SGCD: variants seen among roughly 807,000 people sequenced by gnomAD.
The protein encoded by SGCD is delta-sarcoglycan.
A neutral mutation model predicts 36.6 loss-of-function variants in SGCD; 18 were observed. The observed-to-expected ratio is 0.49, with a 90% CI of 0.34 to 0.73. The LOEUF (loss-of-function observed/expected upper bound fraction) is 0.73, where lower values mean the gene tolerates loss of function less well. Ranked by LOEUF, SGCD falls within the 30% of genes least tolerant of loss-of-function variation. SGCD has a pLI of 0.01. For synonymous variants in SGCD, 133 were observed against 130.6 expected (o/e 1.02, Z -0.12); for missense variants, 387 against 346.7 (o/e 1.12, Z -0.92).
chr5:156,406,819 TACACACACACACAC>T (rs58920671), intron 3 of SGCD, among the ~76,000 whole-genome samples: 26 of 104,266 alleles, frequency 2.5e-4, no homozygotes, highest in East Asian at 3.4e-4. Context: ...TATATATATA[TACACACACACACAC>T]ACACACACAT....
intron 3 of SGCD, among the ~76,000 whole-genome samples, chr5:156,404,995 T>C (rs989596792): frequency 6.6e-5 from 10 of 152,212 alleles, no homozygotes; most frequent in African/African-American, 2.4e-4. Flanking sequence ...TCAATTGATT[T>C]TGAGTTAATC....
intron 1 of SGCD, among the ~76,000 whole-genome samples, chr5:156,043,520 T>C (rs1391716297): frequency 6.6e-6 from 1 of 152,168 alleles, no homozygotes; most frequent in Non-Finnish European, 1.5e-5. Flanking sequence ...GGGGCAAAGA[T>C]ACAGCTTTTA....
At chr5:156,559,319 C>T (rs1759177151) in intron 4 of SGCD, among the ~76,000 whole-genome samples, 2 of 152,162 alleles carry the variant, frequency 1.3e-5, no homozygotes, top group Admixed American at 1.3e-4. Context: ...CTCTGCCTGG[C>T]TGCTTCTTCA....
At chr5:156,039,263 C>T (rs1759577292) in intron 1 of SGCD, among the ~76,000 whole-genome samples, 1 of 145,168 alleles carries the variant, frequency 6.9e-6, no homozygotes, top group African/African-American at 2.9e-5. Flanking sequence ...TTACCTTCTA[C>T]AGCATACTAT....
intron 6 of SGCD, among the ~76,000 whole-genome samples, chr5:156,621,293 G>C (rs1762237080): frequency 6.6e-6 from 1 of 152,178 alleles, no homozygotes; most frequent in Non-Finnish European, 1.5e-5. Context: ...TCAGGTTCAA[G>C]TGATTCTCCT....
chr5:155,781,960 G>A, the SGCD span, among the ~76,000 whole-genome samples: 122 of 152,018 alleles, frequency 8.0e-4, 3 homozygotes, highest in East Asian at 0.023. Context: ...AGGGCAGAGT[G>A]GATGGAGTAA....
chr5:155,830,239 G>T, the SGCD span, among the ~76,000 whole-genome samples: 8 of 152,182 alleles, frequency 5.3e-5, no homozygotes, highest in Non-Finnish European at 1.2e-4. Context: ...AGATAAAAGT[G>T]CCAGCAGGGT....
intron 1 of SGCD, among the ~76,000 whole-genome samples, chr5:156,012,885 C>T (rs1391863384): frequency 6.6e-6 from 1 of 151,298 alleles, no homozygotes; most frequent in Non-Finnish European, 1.5e-5. Flanking sequence ...GGATTACAGG[C>T]GTGAGCCACC....
At chr5:155,942,355 T>TATCTATCA (rs1757345629) in intron 1 of SGCD, among the ~76,000 whole-genome samples, 1 of 151,956 alleles carries the variant, frequency 6.6e-6, no homozygotes, top group South Asian at 2.1e-4. Flanking sequence ...TCTATCTATC[T>TATCTATCA]ATCTATCTAT....
At chr5:156,609,269 G>T (rs1463954516) in intron 6 of SGCD, among the ~76,000 whole-genome samples, 1 of 152,078 alleles carries the variant, frequency 6.6e-6, no homozygotes, top group Non-Finnish European at 1.5e-5. Context: ...GCATTTGCTT[G>T]TCTGTAAAGT....
intron 3 of SGCD, among the ~76,000 whole-genome samples, chr5:156,412,949 C>G (rs1368599700): frequency 6.6e-6 from 1 of 151,768 alleles, no homozygotes. Flanking sequence ...GCGCCCGCCA[C>G]CGCGCCCAGC....
At chr5:156,391,748 A>T (rs966763357) in intron 3 of SGCD, among the ~76,000 whole-genome samples, 2 of 152,206 alleles carry the variant, frequency 1.3e-5, no homozygotes, top group Non-Finnish European at 2.9e-5. Context: ...ATACTAAGGG[A>T]TGACTCTCTA....
At chr5:156,194,329 A>C (rs1763969649) in intron 3 of SGCD, among the ~76,000 whole-genome samples, 1 of 152,148 alleles carries the variant, frequency 6.6e-6, no homozygotes, top group South Asian at 2.1e-4. Flanking sequence ...CACTGAGCAG[A>C]GATTGCTCCA....
At chr5:156,266,452 G>A (rs1321368732) in intron 3 of SGCD, among the ~76,000 whole-genome samples, 1 of 152,164 alleles carries the variant, frequency 6.6e-6, no homozygotes, top group Non-Finnish European at 1.5e-5. Context: ...TTTGTACCAT[G>A]TCTCTTTTGA....
chr5:156,630,934 A>G (rs1025998607), intron 6 of SGCD, among the ~76,000 whole-genome samples: 5 of 152,340 alleles, frequency 3.3e-5, no homozygotes, highest in East Asian at 1.9e-4. Context: ...AATTAAATAT[A>G]TATTTCTTTA....
intron 1 of SGCD, among the ~76,000 whole-genome samples, chr5:156,069,945 G>A (rs2127587094): frequency 1.3e-5 from 2 of 152,120 alleles, no homozygotes; most frequent in East Asian, 3.9e-4. Context: ...TGTTATTGGT[G>A]TATAAGACTG....
the SGCD span, among the ~76,000 whole-genome samples, chr5:155,753,832 A>C: frequency 6.6e-6 from 1 of 152,186 alleles, no homozygotes; most frequent in Non-Finnish European, 1.5e-5. Context: ...TGCATGTGCA[A>C]TGCTGGAATC....
chr5:156,620,595 A>G (rs910897708), intron 6 of SGCD, among the ~76,000 whole-genome samples: 2 of 152,084 alleles, frequency 1.3e-5, no homozygotes, highest in Non-Finnish European at 2.9e-5. Flanking sequence ...AAATAGGGGG[A>G]AGTGTAATGG....
chr5:156,680,141 A>T (rs1224528386), intron 7 of SGCD, among the ~76,000 whole-genome samples: 2 of 152,158 alleles, frequency 1.3e-5, no homozygotes, highest in African/African-American at 4.8e-5. Flanking sequence ...TGAAGATGCA[A>T]ATGGCCTTTG....
Sources: gnomAD v4.1 joint callset for allele counts (sites outside exome capture counted in the v4.1 genomes callset) on GRCh38, gnomAD v4.1.1 for gene constraint, MANE v1.5 for transcripts, NCBI Gene and HGNC (gene_info 2026-07-23, HGNC 2026-07-21) for gene names.